Variants in CDH13 observed in about 807,000 individuals in gnomAD.
CDH13 encodes the protein cadherin 13.
CDH13 carries 24 observed loss-of-function variants against 63.8 expected under a neutral mutation model. The ratio of observed to expected loss-of-function variants is 0.38; its 90% CI spans 0.27 to 0.53. CDH13 has a LOEUF of 0.53. Ranked by LOEUF, CDH13 falls within the 20% of genes least tolerant of loss-of-function variation. The pLI is 0.85. For missense variants in CDH13, 1,049 were observed against 903.1 expected, an observed-to-expected ratio of 1.16 and a Z score of -2.07; for synonymous variants, 503 against 355.3, an observed-to-expected ratio of 1.42 and a Z score of -4.67.
At chr16:83,164,635 G>A (rs961725696) in intron 4 of CDH13, among the ~76,000 whole-genome samples, 5 of 151,132 alleles carry the variant, frequency 3.3e-5, no homozygotes, top group Non-Finnish European at 5.9e-5. Flanking sequence ...CAAGAGAATC[G>A]CTTGAACTTG....
intron 1 of CDH13, among the ~76,000 whole-genome samples, chr16:82,760,350 T>A (rs1172518212): frequency 6.6e-6 from 1 of 152,256 alleles, no homozygotes; most frequent in East Asian, 1.9e-4. Flanking sequence ...GCATTGGGCT[T>A]AGGAAGTGGC....
chr16:82,865,834 G>A (rs1252041190), intron 2 of CDH13, among the ~76,000 whole-genome samples: 1 of 152,072 alleles, frequency 6.6e-6, no homozygotes, highest in African/African-American at 2.4e-5. Context: ...TCATCTTCAG[G>A]CTGCAAATTT....
chr16:83,092,010 G>A (rs2033936532), intron 3 of CDH13, among the ~76,000 whole-genome samples: 1 of 152,100 alleles, frequency 6.6e-6, no homozygotes, highest in African/African-American at 2.4e-5. Flanking sequence ...AGGCAATGCT[G>A]GCATTAAAAA....
chr16:82,656,368 G>A (rs1225128577), intron 1 of CDH13, among the ~76,000 whole-genome samples: 1 of 151,808 alleles, frequency 6.6e-6, no homozygotes, highest in East Asian at 1.9e-4. Context: ...GGGCTAGAGA[G>A]GAAGACAGGT....
intron 1 of CDH13, among the ~76,000 whole-genome samples, chr16:82,725,242 T>C (rs970297995): frequency 1.3e-5 from 2 of 152,174 alleles, no homozygotes; most frequent in Non-Finnish European, 2.9e-5. Flanking sequence ...AACGTACATA[T>C]GTCTCTTTCC....
intron 8 of CDH13, among the ~76,000 whole-genome samples, chr16:83,623,884 C>T (rs953198267): frequency 3.3e-5 from 5 of 152,228 alleles, no homozygotes; most frequent in Non-Finnish European, 7.3e-5. Context: ...GAGGCTCACC[C>T]TTCGACAAGG....
chr16:82,936,578 AC>A (rs2042673895), intron 2 of CDH13, among the ~76,000 whole-genome samples: 1 of 152,086 alleles, frequency 6.6e-6, no homozygotes, highest in African/African-American at 2.4e-5. Flanking sequence ...TAGGCCCCCC[AC>A]CTTCAGCATT....
intron 2 of CDH13, among the ~76,000 whole-genome samples, chr16:82,901,484 CA>C (rs747785494): frequency 6.6e-6 from 1 of 152,010 alleles, no homozygotes; most frequent in East Asian, 1.9e-4. Context: ...AAAGCTAAAA[CA>C]GAAATACTTA....
intron 1 of CDH13, among the ~76,000 whole-genome samples, chr16:82,747,232 C>G (rs911323859): frequency 6.6e-6 from 1 of 152,114 alleles, no homozygotes; most frequent in Non-Finnish European, 1.5e-5. Context: ...AATCAGCATA[C>G]CTGGGACCTG....
At chr16:83,006,400 C>G (rs893186657) in intron 2 of CDH13, among the ~76,000 whole-genome samples, 2 of 152,214 alleles carry the variant, frequency 1.3e-5, no homozygotes, top group African/African-American at 4.8e-5. Context: ...ACTAACACAA[C>G]TTACTTTCCC....
intron 10 of CDH13, among the ~76,000 whole-genome samples, chr16:83,722,449 G>A (rs76344581): frequency 1.3e-5 from 2 of 152,172 alleles, no homozygotes; most frequent in Admixed American, 6.5e-5. Context: ...TGTGCATTCA[G>A]TGACATCGTG....
intron 1 of CDH13, among the ~76,000 whole-genome samples, chr16:82,809,725 T>C (rs1051883264): frequency 6.6e-6 from 1 of 152,140 alleles, no homozygotes; most frequent in African/African-American, 2.4e-5. Flanking sequence ...CAAGAGGGAA[T>C]TTGGAAATCT....
At chr16:83,083,980 G>C (rs1281726448) in intron 3 of CDH13, among the ~76,000 whole-genome samples, 1 of 152,160 alleles carries the variant, frequency 6.6e-6, no homozygotes, top group Middle Eastern at 3.2e-3. Flanking sequence ...TTCGAGACCA[G>C]ACCTTTGCAA....
At chr16:83,336,591 G>A (rs1166526869) in intron 5 of CDH13, among the ~76,000 whole-genome samples, 1 of 152,176 alleles carries the variant, frequency 6.6e-6, no homozygotes, top group African/African-American at 2.4e-5. Flanking sequence ...ACTTACATCT[G>A]AAAATCCTGT....
At chr16:82,882,064 G>A (rs1597890075) in intron 2 of CDH13, among the ~76,000 whole-genome samples, 1 of 152,212 alleles carries the variant, frequency 6.6e-6, no homozygotes, top group East Asian at 1.9e-4. Flanking sequence ...AGGTATGAGT[G>A]AGTCCTCAGC....
chr16:82,764,434 C>G (rs2034973447), intron 1 of CDH13, among the ~76,000 whole-genome samples: 1 of 152,124 alleles, frequency 6.6e-6, no homozygotes, highest in South Asian at 2.1e-4. Context: ...AGGGAAGTCT[C>G]AAATCTATGT....
intron 1 of CDH13, among the ~76,000 whole-genome samples, chr16:82,847,457 G>C (rs771110415): frequency 6.6e-6 from 1 of 152,062 alleles, no homozygotes; most frequent in Non-Finnish European, 1.5e-5. Context: ...CAGCAATGTG[G>C]GGCTGAGTTC....
intron 1 of CDH13, among the ~76,000 whole-genome samples, chr16:82,635,860 C>T (rs149746488): frequency 1.9e-3 from 286 of 152,258 alleles, no homozygotes; most frequent in Non-Finnish European, 3.5e-3. Flanking sequence ...TCTCACAAGA[C>T]ATGGTTATGT....
intron 10 of CDH13, among the ~76,000 whole-genome samples, chr16:83,727,480 C>T (rs1289927660): frequency 6.6e-6 from 1 of 151,760 alleles, no homozygotes; most frequent in African/African-American, 2.4e-5. Flanking sequence ...TCTTCTTCTG[C>T]TTGCTTTATT....
Sources: gnomAD v4.1 joint callset for allele counts (sites outside exome capture counted in the v4.1 genomes callset) on GRCh38, gnomAD v4.1.1 for gene constraint, MANE v1.5 for transcripts, NCBI Gene and HGNC (gene_info 2026-07-23, HGNC 2026-07-21) for gene names.